Variants in ST3GAL4 observed in about 807,000 individuals in gnomAD.
ST3GAL4 encodes the protein CMP-N-acetylneuraminate-beta-galactosamide-alpha-2,3-sialyltransferase 4.
A neutral mutation model predicts 42.6 loss-of-function variants in ST3GAL4; 24 were observed. The ratio of observed to expected loss-of-function variants is 0.56; its 90% CI spans 0.41 to 0.79. The LOEUF is 0.79. Ranked by LOEUF, ST3GAL4 falls within the 30% of genes least tolerant of loss-of-function variation. ST3GAL4 has a pLI of 0.00. For missense variants in ST3GAL4, 311 were observed against 430.8 expected, an observed-to-expected ratio of 0.72 and a Z score of 2.46; for synonymous variants, 135 against 163.2, an observed-to-expected ratio of 0.83 and a Z score of 1.32.
intron 1 of ST3GAL4, among the ~76,000 whole-genome samples, chr11:126,374,620 G>T (rs928788791): frequency 6.6e-6 from 1 of 152,162 alleles, no homozygotes; most frequent in Non-Finnish European, 1.5e-5. Context: ...AGGCTGGTGC[G>T]TGGGGCAGCC....
At chr11:126,413,046 C>T (rs1342863203) in intron 9 of ST3GAL4, among the ~76,000 whole-genome samples, 2 of 152,184 alleles carry the variant, frequency 1.3e-5, no homozygotes, top group Admixed American at 1.3e-4. Context: ...TGGAGCTGTA[C>T]CATCCAGAAT....
Position 126,406,691 on chromosome 11 carries a change from CTGGTACGGAG to C in ST3GAL4, c.101+137_101+146del. On this transcript the variant is annotated intron_variant, in intron 3 of 10. Coordinates refer to ENST00000444328, the MANE Select transcript of ST3GAL4 (RefSeq NM_001254757.2). This position sits in a 1 kb window ranked among gnomAD's most constrained non-coding sequence, Gnocchi z 5.4. ...GCACATGACCTCATCCCTTCAGCTG[CTGGTACGGAG>C]TGTTTCCATGAGGGTGGGTGGGGGT... 1 of 780,038 alleles carries C rather than the reference CTGGTACGGAG, an allele frequency of 1.3e-6. No individual in the cohort carries two copies. Among genetic ancestry groups the C allele is most frequent in the African/African-American group, 1.8e-5 (1 of 55,808 alleles). The allele number at this position is 780,038 out of a possible 1,614,324, so 48.3% of individuals were successfully genotyped here. A position where few individuals can be genotyped will look rare whatever the true frequency, so the allele number is the denominator to read the frequency against.
chr11:126,357,658 C>A (rs142404845), intron 1 of ST3GAL4, among the ~76,000 whole-genome samples: 2 of 152,282 alleles, frequency 1.3e-5, no homozygotes, highest in Non-Finnish European at 2.9e-5. Flanking sequence ...GACTTTTAAT[C>A]CTGGAAAGGG....
At chr11:126,413,467 A>T in intron 9 of ST3GAL4, 38 bp from the exon 10 acceptor site, 1 of 1,608,922 alleles carries the variant, frequency 6.2e-7, no homozygotes, top group Non-Finnish European at 8.5e-7. Context: ...TGGGAGGAGC[A>T]GGGCTCCCAC....
intron 1 of ST3GAL4, among the ~76,000 whole-genome samples, chr11:126,404,412 T>TGG (rs1186675204): frequency 1.3e-5 from 2 of 152,176 alleles, no homozygotes; most frequent in African/African-American, 2.4e-5. Flanking sequence ...ATGCTACATG[T>TGG]GGGACTAGAG....
Position 126,393,042 on chromosome 11 carries a change from G to A in ST3GAL4, c.-60-13054G>A, listed in dbSNP as rs1303015381. Among the ~76,000 whole-genome samples the A allele has an allele frequency of 1.3e-5, 2 of 151,778 alleles. No individual in the cohort carries two copies. The highest frequency in any genetic ancestry group is 4.8e-5 in the African/African-American group (2 of 41,254). On this transcript the variant is annotated intron_variant, in intron 1 of 10. Coordinates refer to ENST00000444328, the MANE Select transcript of ST3GAL4 (RefSeq NM_001254757.2). The surrounding 1 kb of genome is among the most constrained non-coding windows in gnomAD (Gnocchi z 5.9). ...TGCAGCCTCGATCTCCTGGACTCAG[G>A]GGGTCCTCCTGTCTCAGCCTCCCAA...
rs912920903 is a variant in ST3GAL4 at position 126,407,520 on chromosome 11, A to G, written c.281-54A>G. 11 of 1,606,110 alleles carry G rather than the reference A, an allele frequency of 6.8e-6. No individual in the cohort carries two copies. In the East Asian group the frequency reaches 2.2e-4, roughly 33 times the overall value. ...GAGGAGCAGTGGAGGGAGGGCAGGC[A>G]GCCTTCAGAATGCTATCTGTCACAT... On this transcript the variant is annotated intron_variant, in intron 5 of 10. Transcript: ENST00000444328.
chr11:126,374,479 T>C (rs1219257842), intron 1 of ST3GAL4, among the ~76,000 whole-genome samples: 5 of 89,528 alleles, frequency 5.6e-5, no homozygotes, highest in East Asian at 6.3e-4. Context: ...AAAAAAAAAA[T>C]AGAGAAAAGG....
chr11:126,408,618 C>G, intron 8 of ST3GAL4, 122 bp downstream of exon 8: 1 of 1,234,198 alleles, frequency 8.1e-7, no homozygotes, highest in East Asian at 2.5e-5. Flanking sequence ...ACAGCATGAA[C>G]CGGGCTCCCG....
intron 1 of ST3GAL4, among the ~76,000 whole-genome samples, chr11:126,358,749 C>G (rs911881398): frequency 6.6e-6 from 1 of 152,178 alleles, no homozygotes; most frequent in African/African-American, 2.4e-5. Context: ...AGCCCTTTAC[C>G]TGGGACCTAC....
At chr11:126,412,700 C>T (rs1356392804) in intron 9 of ST3GAL4, among the ~76,000 whole-genome samples, 4 of 152,190 alleles carry the variant, frequency 2.6e-5, no homozygotes, top group African/African-American at 7.2e-5. Flanking sequence ...GCGCCACCCC[C>T]ATAAAGGGTC....
chr11:126,401,988 GAGA>G (rs1954016788), intron 1 of ST3GAL4, among the ~76,000 whole-genome samples: 2 of 151,632 alleles, frequency 1.3e-5, no homozygotes, highest in Admixed American at 1.3e-4. Flanking sequence ...TCAGAGAATA[GAGA>G]AGGAGAGGTG....
At position 126,409,234 on chromosome 11, in the gene ST3GAL4, C is replaced by T; in HGVS notation, c.628-34C>T. 6.2e-7 allele frequency: 1 copy of T among 1,608,000 alleles called. No individual in the cohort carries two copies. Among genetic ancestry groups the T allele is most frequent in the Non-Finnish European group, 8.5e-7 (1 of 1,174,844 alleles). On this transcript the variant is annotated intron_variant, in intron 8 of 10. Transcript: ENST00000444328. The surrounding 1 kb of genome is among the most constrained non-coding windows in gnomAD (Gnocchi z 4.9). ...GATTTGAGAAACAGGGCTTCACCCG[C>T]TTCTGTCTCTCTCTTCTGACCCCAT...
chr11:126,408,532 C>T (rs376851364), intron 8 of ST3GAL4, 36 bp downstream of exon 8: 133 of 1,608,698 alleles, frequency 8.3e-5, no homozygotes, highest in East Asian at 7.6e-4. Context: ...TGAGGCCTGG[C>T]GGTGGGGACG....
At chr11:126,360,487 G>A (rs982926547) in intron 1 of ST3GAL4, among the ~76,000 whole-genome samples, 6 of 152,174 alleles carry the variant, frequency 3.9e-5, no homozygotes, top group Non-Finnish European at 2.9e-5. Flanking sequence ...GCAGTGGCGC[G>A]ATCTCGGCTA....
In ST3GAL4 at chr11:126,376,760, G is replaced by C. The variant is rs906648345; in HGVS notation, c.-61+20918G>C. On this transcript the variant is annotated intron_variant, in intron 1 of 10. Coordinates refer to ENST00000444328, the MANE Select transcript of ST3GAL4 (RefSeq NM_001254757.2). The surrounding 1 kb of genome is among the most constrained non-coding windows in gnomAD (Gnocchi z 5.1). ...ACTAGATGACACAGTATTACTCTCT[G>C]TTACCACCACCAATGTAGTCACTGG... The C allele has an allele frequency of 1.3e-5, 2 of 152,202 alleles. No homozygotes were observed. Among genetic ancestry groups the C allele is most frequent in the African/African-American group, 4.8e-5 (2 of 41,442 alleles). The allele number at this position is 152,202 out of a possible 1,614,324, so 9.4% of individuals were successfully genotyped here. A position where few individuals can be genotyped will look rare whatever the true frequency, so the allele number is the denominator to read the frequency against.
Position 126,373,862 on chromosome 11 carries a change from G to C in ST3GAL4, c.-61+18020G>C, listed in dbSNP as rs923849763. 1.3e-4 allele frequency among the ~76,000 whole-genome samples: 20 copies of C among 152,206 alleles called. No homozygotes were observed. Among genetic ancestry groups the C allele is most frequent in the Admixed American group, 7.2e-4 (11 of 15,296 alleles). ...TGTGATCACAGTGTTCAATGATGGG[G>C]TGAGGCTGCAGCGTCCAGCCAGGGA... On this transcript the variant is annotated intron_variant, in intron 1 of 10. Transcript: ENST00000444328. This position sits in a 1 kb window ranked among gnomAD's most constrained non-coding sequence, Gnocchi z 5.5.
intron 8 of ST3GAL4, chr11:126,408,747 G>A (rs982968573): frequency 3.5e-5 from 19 of 550,288 alleles, no homozygotes; most frequent in African/African-American, 2.4e-4. Context: ...TGCTCCAGGC[G>A]TGTCTGTGAC....
At position 126,396,550 on chromosome 11, in the gene ST3GAL4, A is replaced by C. The variant is rs1289359098; in HGVS notation, c.-60-9546A>C. Among the ~76,000 whole-genome samples, 1 of 151,926 alleles carries C rather than the reference A, an allele frequency of 6.6e-6. No individual in the cohort carries two copies. The highest frequency in any genetic ancestry group is 6.5e-5 in the Admixed American group (1 of 15,272). On this transcript the variant is annotated intron_variant, in intron 1 of 10. Coordinates refer to ENST00000444328, the MANE Select transcript of ST3GAL4 (RefSeq NM_001254757.2). The surrounding 1 kb of genome is among the most constrained non-coding windows in gnomAD (Gnocchi z 5.8). Reference sequence around the variant, plus strand: ...GGGCTAGAGACTGTGTCTCGTGCGGAAGCGTGGCTGAGAAGGGGCTCGACA... The same window carrying C: ...GGGCTAGAGACTGTGTCTCGTGCGGCAGCGTGGCTGAGAAGGGGCTCGACA...
Sources: gnomAD v4.1 joint callset for allele counts (sites outside exome capture counted in the v4.1 genomes callset) on GRCh38, gnomAD v4.1.1 for gene constraint, Gnocchi (gnomAD v3.1) non-coding constraint, MANE v1.5 for transcripts, NCBI Gene and HGNC (gene_info 2026-07-23, HGNC 2026-07-21) for gene names.